MAGI2: variants seen among roughly 807,000 people sequenced by gnomAD.
MAGI2 encodes membrane associated guanylate kinase, WW and PDZ domain containing 2.
In MAGI2, 35 loss-of-function variants were observed where a neutral mutation model predicts 133.3. The observed-to-expected ratio is 0.26, with a 90% confidence interval of 0.20 to 0.35. The LOEUF is 0.35. MAGI2 is among the 10% of genes least tolerant of loss of function. MAGI2 has a pLI of 1.00. For missense variants in MAGI2, 1,636 were observed against 1,863.4 expected, an observed-to-expected ratio of 0.88 and a Z score of 2.25; for synonymous variants, 729 against 710.6, an observed-to-expected ratio of 1.03 and a Z score of -0.41.
At chr7:78,662,898 A>G (rs376394023) in intron 2 of MAGI2, among the ~76,000 whole-genome samples, 49 of 152,340 alleles carry the variant, frequency 3.2e-4, no homozygotes, top group African/African-American at 1.1e-3. Flanking sequence ...CCTACTACGT[A>G]CCAGTCATGC....
At chr7:78,735,687 A>C (rs1188562271) in intron 2 of MAGI2, among the ~76,000 whole-genome samples, 1 of 152,224 alleles carries the variant, frequency 6.6e-6, no homozygotes. Flanking sequence ...AAATAAACCT[A>C]AATGAGTTCT....
intron 2 of MAGI2, among the ~76,000 whole-genome samples, chr7:78,632,172 A>G (rs1369928587): frequency 6.6e-6 from 1 of 152,246 alleles, no homozygotes; most frequent in Non-Finnish European, 1.5e-5. Flanking sequence ...ATATCTCTGA[A>G]TAACACAGAC....
At chr7:78,361,577 G>T (rs1323467625) in intron 7 of MAGI2, among the ~76,000 whole-genome samples, 1 of 152,046 alleles carries the variant, frequency 6.6e-6, no homozygotes, top group Non-Finnish European at 1.5e-5. Context: ...TATAAAAATT[G>T]TTTGTAAAAA....
intron 2 of MAGI2, among the ~76,000 whole-genome samples, chr7:78,637,307 A>T (rs1809773563): frequency 1.3e-5 from 2 of 152,188 alleles, no homozygotes; most frequent in Admixed American, 1.3e-4. Flanking sequence ...TGTCCTTATA[A>T]ATATCTTTAT....
intron 2 of MAGI2, among the ~76,000 whole-genome samples, chr7:78,890,621 A>G (rs952569228): frequency 3.3e-5 from 5 of 152,186 alleles, no homozygotes; most frequent in Non-Finnish European, 7.3e-5. Flanking sequence ...CTGCTCCTGA[A>G]TGACTACTGG....
intron 2 of MAGI2, among the ~76,000 whole-genome samples, chr7:78,658,806 G>A (rs1052079288): frequency 6.6e-6 from 1 of 152,120 alleles, no homozygotes; most frequent in Non-Finnish European, 1.5e-5. Flanking sequence ...AAAAAATAGT[G>A]ACAATGCAAA....
intron 1 of MAGI2, among the ~76,000 whole-genome samples, chr7:79,349,025 A>G (rs182365047): frequency 1.8e-4 from 28 of 152,110 alleles, no homozygotes; most frequent in Admixed American, 7.9e-4. Flanking sequence ...TTATGTAAGT[A>G]AAACTATTTG....
intron 1 of MAGI2, among the ~76,000 whole-genome samples, chr7:79,344,822 C>T (rs1333863262): frequency 8.6e-5 from 13 of 151,950 alleles, no homozygotes; most frequent in South Asian, 2.1e-4. Context: ...GTAAAGCATA[C>T]GCTAGAGAAT....
intron 2 of MAGI2, among the ~76,000 whole-genome samples, chr7:78,760,384 T>C (rs1419092228): frequency 3.7e-5 from 5 of 134,256 alleles, no homozygotes; most frequent in African/African-American, 1.4e-4. Flanking sequence ...TTTTTTGAGA[T>C]GAAGTTTTGC....
At chr7:79,332,525 G>A (rs1420040922) in intron 1 of MAGI2, among the ~76,000 whole-genome samples, 1 of 152,030 alleles carries the variant, frequency 6.6e-6, no homozygotes, top group East Asian at 1.9e-4. Flanking sequence ...GATTTCTCCT[G>A]ATCCTATTAA....
intron 20 of MAGI2, among the ~76,000 whole-genome samples, chr7:78,086,338 A>G (rs1816639076): frequency 1.4e-5 from 2 of 146,922 alleles, no homozygotes; most frequent in African/African-American, 2.5e-5. Context: ...CCTAGGTTTG[A>G]GTGATTATCC....
chr7:78,756,829 T>G (rs531194512), intron 2 of MAGI2, among the ~76,000 whole-genome samples: 1 of 152,152 alleles, frequency 6.6e-6, no homozygotes, highest in African/African-American at 2.4e-5. Context: ...TTCACCTTTA[T>G]TTTTTTGCTC....
rs1352874084 is a variant in MAGI2 at position 79,382,436 on chromosome 7, A to C, written c.301+70584T>G. On this transcript the variant is annotated intron_variant, in intron 1 of 21. Coordinates refer to ENST00000354212, the MANE Select transcript of MAGI2 (RefSeq NM_012301.4). ...CATTGCATCATAACATCTAGGTTAC[A>C]TGTTACCAGACATACAGTACCCAAC... Among the ~76,000 whole-genome samples the C allele has an allele frequency of 2.6e-5, 4 of 151,562 alleles. No individual in the cohort carries two copies. The East Asian group carries it at 5.8e-4, about 22-fold the overall frequency.
Position 78,850,959 on chromosome 7 carries a change from T to C in MAGI2, c.418+156131A>G, listed in dbSNP as rs533267431. Among the ~76,000 whole-genome samples the C allele has an allele frequency of 3.2e-4, 49 of 152,232 alleles. 1 individual carries two copies. Among genetic ancestry groups the C allele is most frequent in the African/African-American group, 1.1e-3 (47 of 41,556 alleles). On this transcript the variant is annotated intron_variant, in intron 2 of 21. Transcript: ENST00000354212. Reference sequence around the variant, plus strand: ...AGCCATTTTCACTATATTTTAAACATAAAATGAATATCACATGACTGGATG... The same window carrying C: ...AGCCATTTTCACTATATTTTAAACACAAAATGAATATCACATGACTGGATG...
At chr7:78,238,546 C>A (rs770539235) in intron 10 of MAGI2, among the ~76,000 whole-genome samples, 1 of 147,798 alleles carries the variant, frequency 6.8e-6, no homozygotes, top group Admixed American at 6.8e-5. Flanking sequence ...AAAAAAAAAT[C>A]TTTGATTTTT....
chr7:79,241,656 G>A (rs1020093085), intron 1 of MAGI2, among the ~76,000 whole-genome samples: 4 of 152,160 alleles, frequency 2.6e-5, no homozygotes, highest in African/African-American at 9.7e-5. Flanking sequence ...AATGAAAAAT[G>A]ACAAGATTAG....
chr7:78,381,234 C>G (rs1794895052), intron 6 of MAGI2, among the ~76,000 whole-genome samples: 1 of 152,064 alleles, frequency 6.6e-6, no homozygotes, highest in Non-Finnish European at 1.5e-5. Context: ...GTAATCTCAG[C>G]TACTCGGGAG....
At chr7:78,759,277 C>T (rs997621524) in intron 2 of MAGI2, among the ~76,000 whole-genome samples, 6 of 151,828 alleles carry the variant, frequency 4.0e-5, no homozygotes, top group African/African-American at 1.5e-4. Context: ...AACATCTGGC[C>T]TACCTAAAAT....
At chr7:78,281,151 G>GA (rs1407477301) in intron 9 of MAGI2, among the ~76,000 whole-genome samples, 3 of 151,866 alleles carry the variant, frequency 2.0e-5, no homozygotes, top group Admixed American at 6.6e-5. Context: ...TTTGAATCCT[G>GA]ATCCATTTCT....
Sources: gnomAD v4.1 joint callset for allele counts (sites outside exome capture counted in the v4.1 genomes callset) on GRCh38, gnomAD v4.1.1 for gene constraint, MANE v1.5 for transcripts, NCBI Gene and HGNC (gene_info 2026-07-23, HGNC 2026-07-21) for gene names.